Variants in SORCS1 observed in about 807,000 individuals in gnomAD.
The protein encoded by SORCS1 is VPS10 domain-containing receptor SorCS1.
Under a neutral mutation model 146.1 loss-of-function variants are expected in SORCS1, and 60 were observed. The observed-to-expected ratio is 0.41, with a 90% CI of 0.33 to 0.51. The LOEUF (loss-of-function observed/expected upper bound fraction) is 0.51. Ranked by LOEUF, SORCS1 falls within the 20% of genes least tolerant of loss-of-function variation. The pLI, the probability that SORCS1 is intolerant of heterozygous loss-of-function variation, is 0.21. For missense variants in SORCS1, 1,352 were observed against 1,487.6 expected, an observed-to-expected ratio of 0.91 and a Z score of 1.50; for synonymous variants, 637 against 584.0, an observed-to-expected ratio of 1.09 and a Z score of -1.31.
intron 3 of SORCS1, among the ~76,000 whole-genome samples, chr10:106,827,517 T>A (rs1278704451): frequency 6.6e-6 from 1 of 152,214 alleles, no homozygotes; most frequent in Non-Finnish European, 1.5e-5. Flanking sequence ...CTACAGTGCA[T>A]AGCACATTGC....
intron 3 of SORCS1, among the ~76,000 whole-genome samples, chr10:106,825,428 C>G (rs549985948): frequency 6.6e-6 from 1 of 151,928 alleles, no homozygotes; most frequent in African/African-American, 2.4e-5. Context: ...CCCGCCACCA[C>G]GCCTGGCTAA....
intron 5 of SORCS1, among the ~76,000 whole-genome samples, chr10:106,754,779 T>G (rs1226027274): frequency 6.6e-6 from 1 of 152,198 alleles, no homozygotes; most frequent in Non-Finnish European, 1.5e-5. Flanking sequence ...GGGACATCCT[T>G]GAAACATAGC....
rs1429169711 is a variant in SORCS1, at chr10:107,164,353, G to C, written c.174C>G (p.His58Gln). Residue 58 changes from histidine (H) to glutamine (Q), a missense_variant, in exon 1 of 26, where the codon CAC becomes CAG. His to Gln is a conservative substitution (Grantham distance 24, BLOSUM62 0). Transcript: ENST00000263054. The surrounding 1 kb of genome is among the most constrained non-coding windows in gnomAD (Gnocchi z 6.8). The part of the protein sequence containing the change: ...RSASTPRGFS[H>Q]QGRPGRAPAT... ...CAGGAGCCCTGCCTGGCCGCCCCTG[G>C]TGGGAAAAGCCCCTAGGGGTCGAGG... 2 of 1,522,522 alleles carry C rather than the reference G, an allele frequency of 1.3e-6. No individual in the cohort carries two copies. The highest frequency in any genetic ancestry group is 1.8e-6 in the Non-Finnish European group (2 of 1,137,290). The allele number at this position is 1,522,522 out of a possible 1,614,324, so 94.3% of individuals were successfully genotyped here. A position where few individuals can be genotyped will look rare whatever the true frequency, so the allele number is the denominator to read the frequency against.
the SORCS1 span, among the ~76,000 whole-genome samples, chr10:107,178,168 T>TA: frequency 6.6e-6 from 1 of 151,848 alleles, no homozygotes; most frequent in African/African-American, 2.4e-5. Context: ...AAGTTGGAAA[T>TA]AAAAAAAAGA....
chr10:106,644,643 G>C (rs867845463), intron 18 of SORCS1, among the ~76,000 whole-genome samples: 4 of 152,156 alleles, frequency 2.6e-5, no homozygotes, highest in African/African-American at 9.7e-5. Context: ...AGGATTACAA[G>C]TGTGAGCCAC....
intron 5 of SORCS1, among the ~76,000 whole-genome samples, chr10:106,756,861 A>G (rs1858681727): frequency 6.6e-6 from 1 of 152,242 alleles, no homozygotes; most frequent in East Asian, 1.9e-4. Flanking sequence ...GAAACTCACC[A>G]GATCATGAAC....
chr10:106,982,688 T>C (rs191332244), intron 1 of SORCS1, among the ~76,000 whole-genome samples: 10 of 152,296 alleles, frequency 6.6e-5, no homozygotes, highest in African/African-American at 2.2e-4. Flanking sequence ...AAGGAATCAC[T>C]ATTACAGGTA....
chr10:106,627,143 A>G (rs1848161628), intron 19 of SORCS1, among the ~76,000 whole-genome samples: 1 of 152,104 alleles, frequency 6.6e-6, no homozygotes, highest in Non-Finnish European at 1.5e-5. Context: ...ACTAGGGAGG[A>G]GTTTTGCAGG....
rs1844631865 is a variant in SORCS1 at position 106,577,400 on chromosome 10, G to A, written c.*20C>T. The A allele has an allele frequency of 1.9e-6, 3 of 1,613,776 alleles. No individual in the cohort carries two copies. Among genetic ancestry groups the A allele is most frequent in the Non-Finnish European group, 2.5e-6 (3 of 1,179,732 alleles). ...TTCTTTCCTGATCAGCAGGTCGCCT[G>A]TAGCCTTTGGGGGTTTTCCTTAAAT... On this transcript the variant is annotated 3_prime_UTR_variant, in exon 26 of 26. Transcript: ENST00000263054.
rs747396768 is a variant in SORCS1, at chr10:107,164,301, G to A, written c.226C>T (p.Pro76Ser). The A allele has an allele frequency of 3.8e-6, 6 of 1,583,958 alleles. No homozygotes were observed. The highest frequency in any genetic ancestry group is 5.1e-6 in the Non-Finnish European group (6 of 1,169,354). Residue 76 changes from proline to serine, a missense_variant, in exon 1 of 26, where the codon CCC (proline) becomes TCC (serine). Transcript: ENST00000263054. The surrounding 1 kb of genome is among the most constrained non-coding windows in gnomAD (Gnocchi z 6.8). ...TCCCCGGGGGCCACTGAGAACAGGG[G>A]ACGCACTACGAGGGGCAGGGGCGTG... ...PATPLPLVVR[P>S]LFSVAPGDRA...
At chr10:106,858,222 G>A (rs1949866932) in intron 2 of SORCS1, among the ~76,000 whole-genome samples, 1 of 152,140 alleles carries the variant, frequency 6.6e-6, no homozygotes, top group Admixed American at 6.5e-5. Flanking sequence ...AGGGATAGAA[G>A]TTCTCATCTA....
chr10:106,649,971 T>TAA (rs1849741203), intron 18 of SORCS1, among the ~76,000 whole-genome samples: 1 of 152,106 alleles, frequency 6.6e-6, no homozygotes, highest in African/African-American at 2.4e-5. Context: ...CACTCTGGGG[T>TAA]TCAATTTTCC....
chr10:106,761,302 G>C (rs1042814640), intron 5 of SORCS1, among the ~76,000 whole-genome samples: 2 of 152,046 alleles, frequency 1.3e-5, no homozygotes, highest in South Asian at 2.1e-4. Flanking sequence ...CTGTCTCAAA[G>C]GTTCCACCAA....
intron 3 of SORCS1, among the ~76,000 whole-genome samples, chr10:106,823,699 AAAG>A (rs1948163686): frequency 6.6e-6 from 1 of 152,232 alleles, no homozygotes; most frequent in African/African-American, 2.4e-5. Context: ...GTGCTAGAAA[AAAG>A]AAAACGGATG....
At chr10:106,709,200 C>A in intron 7 of SORCS1, 23 bp downstream of exon 7, 1 of 1,561,402 alleles carries the variant, frequency 6.4e-7, no homozygotes, top group Non-Finnish European at 8.8e-7. Flanking sequence ...CTGAGACAAT[C>A]AACAGAAGTG....
intron 1 of SORCS1, among the ~76,000 whole-genome samples, chr10:107,021,308 C>T (rs947934248): frequency 2.6e-5 from 4 of 151,694 alleles, no homozygotes; most frequent in Admixed American, 1.3e-4. Context: ...GTCAGGAGAT[C>T]GAGACCATCC....
chr10:107,096,914 G>T (rs1565037469), intron 1 of SORCS1, among the ~76,000 whole-genome samples: 1 of 152,108 alleles, frequency 6.6e-6, no homozygotes. Flanking sequence ...TTTTCATGTA[G>T]ATTGCCCATC....
At chr10:107,091,718 C>T (rs533492355) in intron 1 of SORCS1, among the ~76,000 whole-genome samples, 2 of 152,284 alleles carry the variant, frequency 1.3e-5, no homozygotes, top group East Asian at 3.9e-4. Context: ...AGAGTAACTG[C>T]TGGAGACCCC....
chr10:107,036,911 C>T (rs1440888883), intron 1 of SORCS1, among the ~76,000 whole-genome samples: 1 of 152,174 alleles, frequency 6.6e-6, no homozygotes. Flanking sequence ...ATAAAGAAGG[C>T]TCCATTCTTG....
Sources: gnomAD v4.1 joint callset for allele counts (sites outside exome capture counted in the v4.1 genomes callset) on GRCh38, gnomAD v4.1.1 for gene constraint, Gnocchi (gnomAD v3.1) non-coding constraint, MANE v1.5 for transcripts, NCBI Gene and HGNC (gene_info 2026-07-23, HGNC 2026-07-21) for gene names.